ACTN1: variants seen among roughly 807,000 people sequenced by gnomAD.
ACTN1 encodes actinin alpha 1, also known as alpha-actinin-1.
In ACTN1, 30 loss-of-function variants were observed where a neutral mutation model predicts 119.6. The observed-to-expected ratio is 0.25, with a 90% CI of 0.19 to 0.34. ACTN1 has a LOEUF of 0.34. Among genes scored for constraint, ACTN1 ranks in the 10% least tolerant of loss-of-function variants. The probability of loss-of-function intolerance (pLI) is 1.00; values close to 1 mark genes in which losing one functional copy is unlikely to be tolerated. For synonymous variants in ACTN1, 429 were observed against 472.6 expected, an observed-to-expected ratio of 0.91 and a Z score of 1.20; for missense variants, 764 against 1,223.4, an observed-to-expected ratio of 0.62 and a Z score of 5.60.
chr14:68,917,597 A>G (rs1301555237), intron 3 of ACTN1, among the ~76,000 whole-genome samples: 1 of 152,150 alleles, frequency 6.6e-6, no homozygotes, highest in Non-Finnish European at 1.5e-5. Context: ...TTCACTTTTA[A>G]AAGCCCACAA....
At chr14:68,971,514 T>C (rs1386925866) in intron 1 of ACTN1, among the ~76,000 whole-genome samples, 5 of 152,200 alleles carry the variant, frequency 3.3e-5, no homozygotes, top group Non-Finnish European at 7.3e-5. Flanking sequence ...GAGTCAAGGG[T>C]GCCAGCACCT....
In ACTN1 at chr14:68,952,159, C is replaced by A. The variant is rs146342084; in HGVS notation, c.106-26487G>T. Among the ~76,000 whole-genome samples the A allele has an allele frequency of 5.6e-3, 847 of 152,340 alleles. 4 individuals are homozygous for A. The highest frequency in any genetic ancestry group is 0.017 in the Middle Eastern group (5 of 294). On this transcript the variant is annotated intron_variant, in intron 1 of 21. Coordinates refer to ENST00000394419, the MANE Select transcript of ACTN1 (RefSeq NM_001130004.2). ...CTTTATCTGACAGAGGGGGCTGGCT[C>A]TGGTTTCTGTGGGACCTTCCAGCGC...
rs533099005 is a variant in ACTN1, at chr14:68,956,822, T to C, written c.105+22130A>G. ...CTCTCTCTCTCTCTCCCAGTTACCA[T>C]GAATCTTAGTTGGACCAGCCTTTAG... is the stretch of plus-strand genomic sequence containing the variant. On this transcript the variant is annotated intron_variant, in intron 1 of 21. Coordinates refer to ENST00000394419, the MANE Select transcript of ACTN1 (RefSeq NM_001130004.2). Among the ~76,000 whole-genome samples, 30 of 152,222 alleles carry C rather than the reference T, an allele frequency of 2.0e-4. 1 individual carries two copies. Among genetic ancestry groups the C allele is most frequent in the Non-Finnish European group, 2.9e-5 (2 of 68,010 alleles).
intron 1 of ACTN1, chr14:68,936,500 CT>C (rs66604725): frequency 0.37 from 92,041 of 247,958 alleles, 14,542 homozygotes; most frequent in African/African-American, 0.65. Flanking sequence ...CTGTCATTAC[CT>C]TTTTTTTTTT....
At position 68,881,954 on chromosome 14, in the gene ACTN1, T is replaced by TG. The variant is rs1566592450; in HGVS notation, c.1953+503_1953+504insC. Reference sequence around the variant, plus strand: ...GCAGCTTCTTTTTTTTTTTTTTTTTTTGACAGAGTCTTGCTCTGTTGCCCA... The same window carrying TG: ...GCAGCTTCTTTTTTTTTTTTTTTTTTGTGACAGAGTCTTGCTCTGTTGCCCA... On this transcript the variant is annotated intron_variant, in intron 16 of 21. Coordinates refer to ENST00000394419, the MANE Select transcript of ACTN1 (RefSeq NM_001130004.2). 8.1e-3 allele frequency among the ~76,000 whole-genome samples: 519 copies of TG among 63,932 alleles called. 53 individuals are homozygous for TG. Among genetic ancestry groups the TG allele is most frequent in the African/African-American group, 0.058 (443 of 7,578 alleles). 41.9% of individuals were successfully genotyped at this position (63,932 alleles called of 152,430 possible).
chr14:68,944,615 G>T (rs1416508787), intron 1 of ACTN1, among the ~76,000 whole-genome samples: 1 of 152,166 alleles, frequency 6.6e-6, no homozygotes, highest in Non-Finnish European at 1.5e-5. Flanking sequence ...TATAGGAAAG[G>T]TCCTGGAAGG....
At chr14:68,944,952 G>T (rs974569697) in intron 1 of ACTN1, among the ~76,000 whole-genome samples, 15 of 150,042 alleles carry the variant, frequency 1.0e-4, no homozygotes, top group Admixed American at 9.9e-4. Context: ...GTAGCTGTAG[G>T]TCACCCTACG....
rs1356536038 is a variant in ACTN1, at chr14:68,890,158, G to A, written c.1215C>T (p.Ile405=). 6.2e-7 allele frequency: 1 copy of A among 1,614,010 alleles called. No individual in the cohort carries two copies. The highest frequency in any genetic ancestry group is 2.2e-5 in the East Asian group (1 of 44,876). ...LAEKFRQKAS[I]HEAWTDGKEA... is the part of the protein sequence containing the mutation. The stretch of plus-strand genomic sequence containing the variant: ...CCTCACCGTCAGTCCAGGCCTCGTG[G>A]ATGGAGGCCTTCTGCCGGAACTTCT... Residue 405 remains isoleucine, a synonymous_variant, in exon 11 of 22, where the codon ATC becomes ATT. Coordinates refer to ENST00000394419, the MANE Select transcript of ACTN1 (RefSeq NM_001130004.2).
chr14:68,923,572 G>A (rs2034764067), intron 2 of ACTN1, among the ~76,000 whole-genome samples: 1 of 152,096 alleles, frequency 6.6e-6, no homozygotes. Context: ...CGCTTTGGGA[G>A]GCTGAGGTGG....
Position 68,915,779 on chromosome 14 carries a change from G to A in ACTN1, c.341-3537C>T, listed in dbSNP as rs866804508. ...ACCTGAAATCCCAGCACTTTGGGAG[G>A]CCAAGGTGGGACAGATCACTTGAGG... On this transcript the variant is annotated intron_variant, in intron 3 of 21. Coordinates refer to ENST00000394419, the MANE Select transcript of ACTN1 (RefSeq NM_001130004.2). Among the ~76,000 whole-genome samples, 8 of 152,226 alleles carry A rather than the reference G, an allele frequency of 5.3e-5. No individual in the cohort carries two copies. In the South Asian group the frequency reaches 1.7e-3, roughly 31 times the overall value.
intron 9 of ACTN1, 105 bp downstream of exon 9, chr14:68,893,550 G>T: frequency 8.9e-7 from 1 of 1,119,234 alleles, no homozygotes; most frequent in Non-Finnish European, 1.3e-6. Flanking sequence ...TGGGATCAGA[G>T]ACTATACAAG....
intron 6 of ACTN1, among the ~76,000 whole-genome samples, chr14:68,905,336 T>C (rs941663127): frequency 6.6e-6 from 1 of 152,212 alleles, no homozygotes; most frequent in Non-Finnish European, 1.5e-5. Flanking sequence ...GTAATCCTTG[T>C]GCGATGAATG....
chr14:68,934,908 A>G (rs908131330), intron 1 of ACTN1, among the ~76,000 whole-genome samples: 2 of 152,270 alleles, frequency 1.3e-5, no homozygotes, highest in Non-Finnish European at 2.9e-5. Flanking sequence ...CATGAAAAAA[A>G]TGACTAAAAA....
In ACTN1 at chr14:68,979,096, CCTT is replaced by C. The variant is rs1416726441; in HGVS notation, c.-43_-41del. 1 of 1,392,464 alleles carries C rather than the reference CCTT, an allele frequency of 7.2e-7. No individual in the cohort carries two copies. Among genetic ancestry groups the C allele is most frequent in the African/African-American group, 1.5e-5 (1 of 68,168 alleles). 86.3% of individuals were successfully genotyped at this position (1,392,464 alleles called of 1,614,324 possible). A position where few individuals can be genotyped will look rare whatever the true frequency, so the allele number is the denominator to read the frequency against. On this transcript the variant is annotated 5_prime_UTR_variant, in exon 1 of 22. Coordinates refer to ENST00000394419, the MANE Select transcript of ACTN1 (RefSeq NM_001130004.2). ...GCTAGGGTCTGGATTTCTTCCTCCA[CCTT>C]CTCTCTGAGCAACGGCTGCTGCCCT...
chr14:68,920,171 G>T (rs781333543), intron 3 of ACTN1, among the ~76,000 whole-genome samples: 4 of 152,178 alleles, frequency 2.6e-5, no homozygotes, highest in Non-Finnish European at 5.9e-5. Context: ...GTTTTCTTAT[G>T]GCAAAATCAG....
At chr14:68,916,241 T>C (rs968261290) in intron 3 of ACTN1, among the ~76,000 whole-genome samples, 20 of 152,064 alleles carry the variant, frequency 1.3e-4, no homozygotes, top group Non-Finnish European at 5.9e-5. Context: ...CCTCCCTTGG[T>C]CCCCCACATG....
chr14:68,938,152 C>T (rs938958097), intron 1 of ACTN1, among the ~76,000 whole-genome samples: 7 of 152,202 alleles, frequency 4.6e-5, no homozygotes, highest in Non-Finnish European at 8.8e-5. Context: ...CAAAGCCAGC[C>T]GTCAGCTGGT....
intron 4 of ACTN1, among the ~76,000 whole-genome samples, chr14:68,911,204 C>T (rs539601715): frequency 3.9e-4 from 60 of 152,186 alleles, no homozygotes; most frequent in Non-Finnish European, 6.8e-4. Context: ...AAAGCTAATG[C>T]TTCTACTTAG....
At chr14:68,881,239 AC>A in intron 16 of ACTN1, 1 of 412,112 alleles carries the variant, frequency 2.4e-6, no homozygotes, top group Admixed American at 3.9e-5. Context: ...ACTCTCGGGT[AC>A]CTGTCAGCCT....
Sources: gnomAD v4.1 joint callset for allele counts (sites outside exome capture counted in the v4.1 genomes callset) on GRCh38, gnomAD v4.1.1 for gene constraint, MANE v1.5 for transcripts, NCBI Gene and HGNC (gene_info 2026-07-23, HGNC 2026-07-21) for gene names.